The following COL25A1 variants were observed in gnomAD, a reference collection of about 807,000 sequenced individuals.
COL25A1 encodes the protein collagen type XXV alpha 1 chain.
A neutral mutation model predicts 128.4 loss-of-function variants in COL25A1; 103 were observed. The ratio of observed to expected loss-of-function variants is 0.80; its 90% CI spans 0.68 to 0.94. The LOEUF is 0.94. COL25A1 is among the 40% of genes least tolerant of loss of function. The pLI, the probability that COL25A1 is intolerant of heterozygous loss-of-function variation, is 0.00. For synonymous variants in COL25A1, 279 were observed against 277.2 expected (o/e 1.01, Z -0.06); for missense variants, 745 against 840.0 (o/e 0.89, Z 1.40).
At chr4:108,977,536 G>T (rs1466649097) in intron 6 of COL25A1, among the ~76,000 whole-genome samples, 3 of 152,108 alleles carry the variant, frequency 2.0e-5, no homozygotes, top group Non-Finnish European at 4.4e-5. Context: ...GCAGATGAAA[G>T]CCAAAGAAAA....
chr4:109,141,666 G>C (rs1179460532), intron 3 of COL25A1, among the ~76,000 whole-genome samples: 1 of 152,160 alleles, frequency 6.6e-6, no homozygotes, highest in Non-Finnish European at 1.5e-5. Context: ...TCTTGGAAGG[G>C]TGTATGTGTC....
chr4:109,197,468 TATAA>T (rs1473315479), intron 3 of COL25A1, among the ~76,000 whole-genome samples: 4 of 72,692 alleles, frequency 5.5e-5, no homozygotes, highest in Non-Finnish European at 1.2e-4. Flanking sequence ...AAATATTATA[TATAA>T]TATATATTAT....
chr4:109,104,006 C>A (rs1187298498), intron 3 of COL25A1, among the ~76,000 whole-genome samples: 1 of 152,138 alleles, frequency 6.6e-6, no homozygotes, highest in African/African-American at 2.4e-5. Flanking sequence ...ACAATGATTT[C>A]AGACATTTTA....
intron 13 of COL25A1, among the ~76,000 whole-genome samples, chr4:108,910,005 T>C (rs2125881445): frequency 6.6e-6 from 1 of 152,324 alleles, no homozygotes; most frequent in Non-Finnish European, 1.5e-5. Flanking sequence ...CCACTCTTTC[T>C]GAATACATAT....
chr4:109,149,558 C>T (rs1024972375), intron 3 of COL25A1, among the ~76,000 whole-genome samples: 6 of 152,116 alleles, frequency 3.9e-5, no homozygotes, highest in Non-Finnish European at 5.9e-5. Context: ...TTTATGGCAT[C>T]GGCTGCAGCC....
intron 3 of COL25A1, among the ~76,000 whole-genome samples, chr4:109,204,566 C>T (rs963017459): frequency 6.6e-6 from 1 of 152,056 alleles, no homozygotes; most frequent in African/African-American, 2.4e-5. Context: ...TTAAATATTA[C>T]ATTGAGATTA....
chr4:109,200,062 A>T (rs1776427655), intron 3 of COL25A1, among the ~76,000 whole-genome samples: 1 of 152,240 alleles, frequency 6.6e-6, no homozygotes, highest in Admixed American at 6.5e-5. Flanking sequence ...AAAGCTTTGT[A>T]AGAGGCAGCT....
At chr4:109,170,568 A>T (rs575333648) in intron 3 of COL25A1, among the ~76,000 whole-genome samples, 1 of 152,136 alleles carries the variant, frequency 6.6e-6, no homozygotes, top group African/African-American at 2.4e-5. Context: ...TTCTAACTCA[A>T]TTCAGAGTAC....
In COL25A1 at chr4:109,036,762, T is replaced by C. The variant is rs578188453; in HGVS notation, c.420+11406A>G. Among the ~76,000 whole-genome samples the C allele has an allele frequency of 2.6e-5, 4 of 152,338 alleles. No individual in the cohort carries two copies. The East Asian group carries it at 7.7e-4, about 29-fold the overall frequency. Reference sequence around the variant, plus strand: ...AAGGCTACATATGGTGAAAGATATATACATTCAGTCATTACCACAGAAGGG... The same window carrying C: ...AAGGCTACATATGGTGAAAGATATACACATTCAGTCATTACCACAGAAGGG... On this transcript the variant is annotated intron_variant, in intron 5 of 37. Coordinates refer to ENST00000399132, the MANE Select transcript of COL25A1 (RefSeq NM_198721.4).
At chr4:108,994,504 T>A (rs927244394) in intron 6 of COL25A1, among the ~76,000 whole-genome samples, 1 of 152,224 alleles carries the variant, frequency 6.6e-6, no homozygotes, top group African/African-American at 2.4e-5. Flanking sequence ...CAAGGCCTAC[T>A]GCCTCTATAG....
chr4:109,174,552 C>G (rs1406869434), intron 3 of COL25A1, among the ~76,000 whole-genome samples: 1 of 152,112 alleles, frequency 6.6e-6, no homozygotes, highest in Non-Finnish European at 1.5e-5. Flanking sequence ...TGACATTGCT[C>G]CTGGGTGCAA....
intron 6 of COL25A1, among the ~76,000 whole-genome samples, chr4:108,983,635 G>A (rs1490814572): frequency 6.6e-6 from 1 of 152,094 alleles, no homozygotes; most frequent in Non-Finnish European, 1.5e-5. Flanking sequence ...GGCGCATCTG[G>A]AGTTTGTTCG....
chr4:109,148,038 C>T (rs894790254), intron 3 of COL25A1, among the ~76,000 whole-genome samples: 1 of 152,076 alleles, frequency 6.6e-6, no homozygotes, highest in Non-Finnish European at 1.5e-5. Context: ...TCACTTTCTA[C>T]ACAGTTTTAA....
At position 109,074,517 on chromosome 4, in the gene COL25A1, G is replaced by A. The variant is rs181551220; in HGVS notation, c.368-24338C>T. 2.1e-3 allele frequency among the ~76,000 whole-genome samples: 318 copies of A among 152,272 alleles called. 2 individuals carry two copies. The highest frequency in any genetic ancestry group is 4.0e-3 in the Non-Finnish European group (270 of 68,020). Reference sequence around the variant, plus strand: ...CATTCATTCATATGCCAAATTATATGAAATGTTAAACAGGGTTAGCTAATG... The same window carrying A: ...CATTCATTCATATGCCAAATTATATAAAATGTTAAACAGGGTTAGCTAATG... On this transcript the variant is annotated intron_variant, in intron 3 of 37. Transcript: ENST00000399132.
In COL25A1 at chr4:109,301,729, C is replaced by T. The variant is rs760088706; in HGVS notation, c.291G>A (p.Leu97=). The T allele has an allele frequency of 1.9e-6, 3 of 1,612,494 alleles. No homozygotes were observed. The South Asian group carries it at 3.3e-5, about 18-fold the overall frequency. The change falls in exon 2 of 38, where the codon CTG becomes CTA. Residue 97 remains leucine, a synonymous_variant. Transcript: ENST00000399132. ...TMVQEKVERL[L]AQKSYEHMAK... is the part of the protein sequence containing the mutation. Reference sequence around the variant, plus strand: ...ATACCCCAGCCTCTCACACCTGAGCCAGAAGTCGCTCCACTTTCTCTTGCA... The same window carrying T: ...ATACCCCAGCCTCTCACACCTGAGCTAGAAGTCGCTCCACTTTCTCTTGCA...
At chr4:109,017,471 T>C (rs1757326758) in intron 5 of COL25A1, among the ~76,000 whole-genome samples, 1 of 152,220 alleles carries the variant, frequency 6.6e-6, no homozygotes, top group African/African-American at 2.4e-5. Flanking sequence ...TCCTGTGACA[T>C]TGTCACAATT....
chr4:108,967,368 A>G (rs1751431328), intron 8 of COL25A1, among the ~76,000 whole-genome samples: 2 of 152,202 alleles, frequency 1.3e-5, no homozygotes. Flanking sequence ...GTTCACTGAA[A>G]ACAGAACAAA....
At chr4:108,907,593 G>C (rs1429695408) in intron 13 of COL25A1, among the ~76,000 whole-genome samples, 1 of 152,174 alleles carries the variant, frequency 6.6e-6, no homozygotes, top group Non-Finnish European at 1.5e-5. Flanking sequence ...AGCCAAGCCA[G>C]TCATTCTTAA....
chr4:109,136,613 T>G (rs1200623541), intron 3 of COL25A1, among the ~76,000 whole-genome samples: 1 of 152,192 alleles, frequency 6.6e-6, no homozygotes, highest in Non-Finnish European at 1.5e-5. Context: ...TTTCAGGAAC[T>G]GAAAAGGTTG....
Sources: allele counts gnomAD v4.1 joint callset (sites outside exome capture counted in the v4.1 genomes callset), GRCh38; gene constraint gnomAD v4.1.1; transcripts MANE v1.5; gene names NCBI Gene and HGNC (gene_info 2026-07-23, HGNC 2026-07-21).